Variants in TMEM218 observed in about 807,000 individuals in gnomAD.
TMEM218 encodes the protein transmembrane protein 218.
In TMEM218, 8 loss-of-function variants were observed where a neutral mutation model predicts 10.0. That is an observed-to-expected ratio of 0.80 (90% confidence interval 0.47 to 1.44). The LOEUF is 1.44. Among genes scored for constraint, TMEM218 ranks in the 40% most tolerant of loss-of-function variants. The probability of loss-of-function intolerance (pLI) is 0.00; values close to 1 mark genes in which losing one functional copy is unlikely to be tolerated. For synonymous variants in TMEM218, 66 were observed against 63.5 expected, an observed-to-expected ratio of 1.04 and a Z score of -0.18; for missense variants, 110 against 140.1, an observed-to-expected ratio of 0.79 and a Z score of 1.08.
At chr11:125,103,922 A>T (rs902538900) in intron 1 of TMEM218, 1 of 152,186 alleles carries the variant, frequency 6.6e-6, no homozygotes, top group African/African-American at 2.4e-5. Context: ...TGGTAAAAAA[A>T]ATACGTTTAT....
At chr11:125,101,912 C>T (rs1277956725) in intron 3 of TMEM218, 3 of 553,018 alleles carry the variant, frequency 5.4e-6, no homozygotes, top group Non-Finnish European at 6.0e-6. Flanking sequence ...GAGTTTCTTG[C>T]CACAGTTAGA....
chr11:125,100,299 T>C (rs898971693), intron 4 of TMEM218, among the ~76,000 whole-genome samples: 2 of 152,210 alleles, frequency 1.3e-5, no homozygotes, highest in Non-Finnish European at 2.9e-5. Flanking sequence ...CTATGTGACC[T>C]TGGGCAAGTT....
chr11:125,102,495 G>A, intron 2 of TMEM218, 178 bp from the exon 3 acceptor site: 3 of 1,453,410 alleles, frequency 2.1e-6, no homozygotes, highest in Non-Finnish European at 2.7e-6. Context: ...CTCTTTGGTG[G>A]GGACTGAGAG....
Position 125,095,643 on chromosome 11 carries a change from T to TC in TMEM218, c.*1962dup, listed in dbSNP as rs1005613646. Among the ~76,000 whole-genome samples, 4 of 151,656 alleles carry TC rather than the reference T, an allele frequency of 2.6e-5. No homozygotes were observed. Among genetic ancestry groups the TC allele is most frequent in the African/African-American group, 9.7e-5 (4 of 41,284 alleles). ...TTTGCACAGGGTATTTTTTTTTTTT[T>TC]CCTAAAGCCAATCTTTAACATATAT... is the stretch of plus-strand genomic sequence containing the variant. On this transcript the variant is annotated 3_prime_UTR_variant, in exon 5 of 5. Transcript: ENST00000682305.
chr11:125,099,761 C>G (rs1443488693), intron 4 of TMEM218, among the ~76,000 whole-genome samples: 1 of 151,640 alleles, frequency 6.6e-6, no homozygotes. Context: ...CTATCTCTAC[C>G]AAAAATACAA....
At chr11:125,106,816 G>C (rs764105412) in intron 1 of TMEM218, among the ~76,000 whole-genome samples, 1 of 152,096 alleles carries the variant, frequency 6.6e-6, no homozygotes. Context: ...CCTACATCCA[G>C]CTCTTCTATT....
chr11:125,097,273 CAAAATCCACTTACTAAGGACTTGAGTG>C lies in TMEM218; in HGVS notation c.*306_*332del. 1 of 182,940 alleles carries C rather than the reference CAAAATCCACTTACTAAGGACTTGAGTG, an allele frequency of 5.5e-6. No homozygotes were observed. The highest frequency in any genetic ancestry group is 1.1e-5 in the Non-Finnish European group (1 of 88,968). The allele number at this position is 182,940 out of a possible 1,614,324, so 11.3% of individuals were successfully genotyped here. On this transcript the variant is annotated 3_prime_UTR_variant, in exon 5 of 5. Coordinates refer to ENST00000682305, the MANE Select transcript of TMEM218 (RefSeq NM_001258244.2). Reference sequence around the variant, plus strand: ...CCAGAAGCCCAGGTGCTTTTTTCCCCAAAATCCACTTACTAAGGACTTGAGTGAAAATCCACTCTAAGCAGATCACTG... The same window carrying C: ...CCAGAAGCCCAGGTGCTTTTTTCCCCAAAATCCACTCTAAGCAGATCACTG...
Position 125,097,329 on chromosome 11 carries a change from C to T in TMEM218, c.*277G>A. 1 of 276,580 alleles carries T rather than the reference C, an allele frequency of 3.6e-6. No homozygotes were observed. The highest frequency in any genetic ancestry group is 6.7e-6 in the Non-Finnish European group (1 of 149,066). 17.1% of individuals were successfully genotyped at this position (276,580 alleles called of 1,614,324 possible). On this transcript the variant is annotated 3_prime_UTR_variant, in exon 5 of 5. Transcript: ENST00000682305. ...ATCCACTCTAAGCAGATCACTGTTA[C>T]TATTTCCCTTTCAAAACAGTTGGAA...
At chr11:125,102,631 C>CCCTA in intron 2 of TMEM218, 103 bp downstream of exon 2, 1 of 1,298,824 alleles carries the variant, frequency 7.7e-7, no homozygotes, top group Non-Finnish European at 1.0e-6. Context: ...GAATATAAAA[C>CCCTA]CCTACCTAAG....
rs1046037620 is a variant in TMEM218, at chr11:125,096,794, C to T, written c.*812G>A. 6.6e-6 allele frequency: 1 copy of T among 152,130 alleles called. No homozygotes were observed. Among genetic ancestry groups the T allele is most frequent in the Non-Finnish European group, 1.5e-5 (1 of 68,038 alleles). 9.4% of individuals were successfully genotyped at this position (152,130 alleles called of 1,614,324 possible). On this transcript the variant is annotated 3_prime_UTR_variant, in exon 5 of 5. Coordinates refer to ENST00000682305, the MANE Select transcript of TMEM218 (RefSeq NM_001258244.2). Reference sequence around the variant, plus strand: ...ATATCTGATGTTGAGAATATACCTTCCTCACTAGCTTTGGAGAAAGGGCTA... The same window carrying T: ...ATATCTGATGTTGAGAATATACCTTTCTCACTAGCTTTGGAGAAAGGGCTA...
At chr11:125,106,773 G>A (rs1190362894) in intron 1 of TMEM218, among the ~76,000 whole-genome samples, 3 of 152,092 alleles carry the variant, frequency 2.0e-5, no homozygotes, top group Admixed American at 2.0e-4. Context: ...GGAGACTATT[G>A]GCAGTATCTA....
At chr11:125,103,240 A>T (rs1951273870) in intron 1 of TMEM218, 1 of 153,164 alleles carries the variant, frequency 6.5e-6, no homozygotes, top group Non-Finnish European at 1.5e-5. Flanking sequence ...CAGGAGCACG[A>T]ACCCTAGTGT....
At chr11:125,103,348 T>G (rs560497473) in intron 1 of TMEM218, 1 of 152,590 alleles carries the variant, frequency 6.6e-6, no homozygotes, top group East Asian at 1.9e-4. Flanking sequence ...ACCACCCCCC[T>G]GCATCCCCCT....
In TMEM218 at chr11:125,101,708, C is replaced by T. The variant is rs1591383889; in HGVS notation, c.111-405G>A. On this transcript the variant is annotated intron_variant, in intron 3 of 4. Transcript: ENST00000682305. The stretch of plus-strand genomic sequence containing the variant: ...AGTGCAACTCTAGTGTTTTCAGAGT[C>T]GGTTTATGGCCTAACCCTGTTCTGA... 7.4e-6 allele frequency: 4 copies of T among 541,426 alleles called. No individual in the cohort carries two copies. The South Asian group carries it at 8.9e-5, about 12-fold the overall frequency. 33.5% of individuals were successfully genotyped at this position (541,426 alleles called of 1,614,324 possible).
At chr11:125,099,463 C>CA (rs957512756) in intron 4 of TMEM218, among the ~76,000 whole-genome samples, 1 of 152,192 alleles carries the variant, frequency 6.6e-6, no homozygotes, top group Non-Finnish European at 1.5e-5. Context: ...GCCATGCTGA[C>CA]AAAAGTATTT....
intron 1 of TMEM218, among the ~76,000 whole-genome samples, chr11:125,110,969 G>A (rs1953802274): frequency 1.3e-5 from 2 of 151,790 alleles, no homozygotes; most frequent in South Asian, 4.2e-4. Context: ...ATGCAAGCCT[G>A]GGGAAAAAAT....
chr11:125,105,700 T>TA (rs1277100687), intron 1 of TMEM218, among the ~76,000 whole-genome samples: 1 of 150,600 alleles, frequency 6.6e-6, no homozygotes, highest in Non-Finnish European at 1.5e-5. Context: ...GTACACAAGT[T>TA]AAAAAAACAT....
chr11:125,101,912 C>A (rs1277956725), intron 3 of TMEM218: 8 of 552,900 alleles, frequency 1.4e-5, no homozygotes, highest in Admixed American at 3.8e-5. Flanking sequence ...GAGTTTCTTG[C>A]CACAGTTAGA....
Position 125,102,939 on chromosome 11 carries a change from G to A in TMEM218, c.-152-130C>T, listed in dbSNP as rs1951166143. The A allele has an allele frequency of 1.0e-5, 3 of 286,928 alleles. No homozygotes were observed. The South Asian group carries it at 1.1e-4, about 10-fold the overall frequency. The allele number at this position is 286,928 out of a possible 1,614,324, so 17.8% of individuals were successfully genotyped here. The stretch of plus-strand genomic sequence containing the variant: ...TATTACTATAGCCATGTTACAGGAT[G>A]GGTAAGTGAGATATAAGCGCGATGG... On this transcript the variant is annotated intron_variant, in intron 1 of 4. Coordinates refer to ENST00000682305, the MANE Select transcript of TMEM218 (RefSeq NM_001258244.2).
Sources: allele counts gnomAD v4.1 joint callset (sites outside exome capture counted in the v4.1 genomes callset), GRCh38; gene constraint gnomAD v4.1.1; transcripts MANE v1.5; gene names NCBI Gene and HGNC (gene_info 2026-07-23, HGNC 2026-07-21).